The following PDPK1 variants were observed in gnomAD, a reference collection of about 807,000 sequenced individuals.
PDPK1 encodes 3-phosphoinositide dependent protein kinase 1, also known as 3-phosphoinositide-dependent protein kinase 1.
In PDPK1, 7 loss-of-function variants were observed where a neutral mutation model predicts 39.8. That is an observed-to-expected ratio of 0.18 (90% CI 0.10 to 0.33). The LOEUF (loss-of-function observed/expected upper bound fraction) is 0.33, where lower values mean the gene tolerates loss of function less well. Ranked by LOEUF, PDPK1 falls within the 10% of genes least tolerant of loss-of-function variation. PDPK1 has a pLI of 1.00. For missense variants in PDPK1, 182 were observed against 384.7 expected, an observed-to-expected ratio of 0.47 and a Z score of 4.41; for synonymous variants, 118 against 159.1, an observed-to-expected ratio of 0.74 and a Z score of 1.95.
chr16:2,597,091 C>A lies in PDPK1; in HGVS notation c.1402-32C>A, dbSNP rs2067119025. 6.5e-7 allele frequency: 1 copy of A among 1,529,326 alleles called. No homozygotes were observed. The highest frequency in any genetic ancestry group is 8.8e-7 in the Non-Finnish European group (1 of 1,131,190). The allele number at this position is 1,529,326 out of a possible 1,614,324, so 94.7% of individuals were successfully genotyped here. A position where few individuals can be genotyped will look rare whatever the true frequency, so the allele number is the denominator to read the frequency against. On this transcript the variant is annotated intron_variant, in intron 12 of 13. Coordinates refer to ENST00000342085, the MANE Select transcript of PDPK1 (RefSeq NM_002613.5). This position sits in a 1 kb window ranked among gnomAD's most constrained non-coding sequence, Gnocchi z 6.3. ...CAGGAGATGCCGTCAGCACTGGCCT[C>A]TGAGGCCTGTTGTTTTGTGTTTTGG...
chr16:2,544,014 C>G (rs1313965191), intron 1 of PDPK1, among the ~76,000 whole-genome samples: 1 of 151,644 alleles, frequency 6.6e-6, no homozygotes, highest in East Asian at 1.9e-4. Flanking sequence ...GGATTACAGG[C>G]GTGAGCCACC....
chr16:2,603,032 A>C lies in PDPK1; in HGVS notation c.*5265A>C. ...ACAACTTTTTTTCTGGCTTTATTAT[A>C]TAAATTTTCTATTGGGTCAGTGATT... On this transcript the variant is annotated 3_prime_UTR_variant, in exon 14 of 14. Coordinates refer to ENST00000342085, the MANE Select transcript of PDPK1 (RefSeq NM_002613.5). 1 of 228,722 alleles carries C rather than the reference A, an allele frequency of 4.4e-6. No individual in the cohort carries two copies. Among genetic ancestry groups the C allele is most frequent in the Non-Finnish European group, 8.7e-6 (1 of 115,194 alleles). The allele number at this position is 228,722 out of a possible 1,614,324, so 14.2% of individuals were successfully genotyped here.
intron 1 of PDPK1, among the ~76,000 whole-genome samples, chr16:2,543,877 G>A (rs1011422642): frequency 6.9e-6 from 1 of 145,358 alleles, no homozygotes; most frequent in African/African-American, 2.5e-5. Context: ...ACGTGCCACC[G>A]CACCCGGCTA....
At chr16:2,546,360 G>A (rs2066346443) in intron 1 of PDPK1, among the ~76,000 whole-genome samples, 1 of 151,416 alleles carries the variant, frequency 6.6e-6, no homozygotes, top group South Asian at 2.1e-4. Context: ...TTGAGACAGA[G>A]TCTCGCTCTG....
intron 10 of PDPK1, among the ~76,000 whole-genome samples, chr16:2,585,768 C>G (rs1256059248): frequency 2.0e-5 from 3 of 152,212 alleles, no homozygotes; most frequent in African/African-American, 7.2e-5. Flanking sequence ...TGAGGCGGGG[C>G]TGTGGTGCAG....
chr16:2,538,391 G>A (rs1271882896), intron 1 of PDPK1: 2 of 378,980 alleles, frequency 5.3e-6, no homozygotes, highest in Admixed American at 6.6e-5. Flanking sequence ...GGCGGGGGAG[G>A]CCGGGAGGTG....
chr16:2,540,200 G>T (rs1207293199), intron 1 of PDPK1, among the ~76,000 whole-genome samples: 1 of 152,214 alleles, frequency 6.6e-6, no homozygotes, highest in African/African-American at 2.4e-5. Context: ...TGTGTGAGAA[G>T]CCCCCTTCCC....
In PDPK1 at chr16:2,599,892, G is replaced by C. The variant is rs1372775773; in HGVS notation, c.*2125G>C. 4.3e-6 allele frequency: 1 copy of C among 233,398 alleles called. No homozygotes were observed. Among genetic ancestry groups the C allele is most frequent in the Admixed American group, 5.6e-5 (1 of 17,806 alleles). The allele number at this position is 233,398 out of a possible 1,614,324, so 14.5% of individuals were successfully genotyped here. On this transcript the variant is annotated 3_prime_UTR_variant, in exon 14 of 14. Coordinates refer to ENST00000342085, the MANE Select transcript of PDPK1 (RefSeq NM_002613.5). Reference sequence around the variant, plus strand: ...CTTCCGTGCGTTCTTCCTCTGGATAGAACCACCACCTCCTGGGCGTCACTG... The same window carrying C: ...CTTCCGTGCGTTCTTCCTCTGGATACAACCACCACCTCCTGGGCGTCACTG...
intron 1 of PDPK1, chr16:2,538,770 A>G: frequency 7.8e-7 from 1 of 1,282,150 alleles, no homozygotes; most frequent in Admixed American, 2.3e-5. Flanking sequence ...TGAGCTTGAC[A>G]GGTAGGAGGG....
chr16:2,558,622 G>A (rs1175628097), intron 2 of PDPK1, among the ~76,000 whole-genome samples: 1 of 149,190 alleles, frequency 6.7e-6, no homozygotes, highest in Non-Finnish European at 1.5e-5. Flanking sequence ...GACCCATGAA[G>A]CCGTGTGTGG....
intron 11 of PDPK1, among the ~76,000 whole-genome samples, chr16:2,588,336 A>G (rs888571140): frequency 9.9e-5 from 15 of 152,272 alleles, no homozygotes; most frequent in Admixed American, 6.5e-4. Flanking sequence ...CGCAGCTCCA[A>G]GCAGCAAGGA....
Position 2,597,120 on chromosome 16 carries a change from C to T in PDPK1, c.1402-3C>T, listed in dbSNP as rs1427311003. The T allele has an allele frequency of 1.3e-6, 2 of 1,553,526 alleles. No individual in the cohort carries two copies. The highest frequency in any genetic ancestry group is 4.6e-5 in the East Asian group (2 of 43,424). The stretch of plus-strand genomic sequence containing the variant: ...GGCCTGTTGTTTTGTGTTTTGGCGT[C>T]AGGGTTTATTTGCAAGACGACGACA... On this transcript the variant is annotated splice_polypyrimidine_tract_variant and splice_region_variant and intron_variant, in intron 12 of 13. Coordinates refer to ENST00000342085, the MANE Select transcript of PDPK1 (RefSeq NM_002613.5). This position sits in a 1 kb window ranked among gnomAD's most constrained non-coding sequence, Gnocchi z 6.3.
chr16:2,588,200 G>A (rs993084280), intron 11 of PDPK1, among the ~76,000 whole-genome samples: 8 of 152,202 alleles, frequency 5.3e-5, no homozygotes, highest in African/African-American at 1.9e-4. Context: ...CAGAGATGCT[G>A]GCAGGCAGCA....
chr16:2,550,136 C>G (rs1418002223), intron 1 of PDPK1, among the ~76,000 whole-genome samples: 3 of 148,352 alleles, frequency 2.0e-5, no homozygotes, highest in Non-Finnish European at 4.4e-5. Context: ...GTACCCACCC[C>G]CAGAGTTGTT....
intron 11 of PDPK1, among the ~76,000 whole-genome samples, chr16:2,588,430 A>G (rs2066921510): frequency 6.6e-6 from 1 of 152,106 alleles, no homozygotes; most frequent in Non-Finnish European, 1.5e-5. Context: ...CACTCCAAGT[A>G]CTTGGCCAGG....
chr16:2,560,494 C>G (rs1396164612), intron 2 of PDPK1, among the ~76,000 whole-genome samples: 2 of 147,226 alleles, frequency 1.4e-5, no homozygotes, highest in Non-Finnish European at 3.0e-5. Flanking sequence ...TTTCCAGGAT[C>G]TCTTCTGACG....
At position 2,597,579 on chromosome 16, in the gene PDPK1, C is replaced by A; in HGVS notation, c.1555-72C>A. ...AGGACTCGGAATGGCTGGTCGCAGG[C>A]AGCTCACCAGGTTGGGGTGGGGGTT... is the stretch of plus-strand genomic sequence containing the variant. On this transcript the variant is annotated intron_variant, in intron 13 of 13. Coordinates refer to ENST00000342085, the MANE Select transcript of PDPK1 (RefSeq NM_002613.5). This position sits in a 1 kb window ranked among gnomAD's most constrained non-coding sequence, Gnocchi z 6.3. The A allele has an allele frequency of 9.2e-7, 1 of 1,083,806 alleles. No individual in the cohort carries two copies. Among genetic ancestry groups the A allele is most frequent in the Non-Finnish European group, 1.4e-6 (1 of 698,098 alleles). The allele number at this position is 1,083,806 out of a possible 1,614,324, so 67.1% of individuals were successfully genotyped here.
intron 12 of PDPK1, among the ~76,000 whole-genome samples, chr16:2,596,441 G>A (rs555407036): frequency 5.3e-5 from 8 of 152,246 alleles, no homozygotes; most frequent in South Asian, 2.1e-4. Context: ...TGATCCACCC[G>A]TCTCAGCCTT....
chr16:2,585,280 C>G (rs1368999111), intron 10 of PDPK1, among the ~76,000 whole-genome samples: 1 of 152,194 alleles, frequency 6.6e-6, no homozygotes, highest in Non-Finnish European at 1.5e-5. Context: ...GTTAGATGGC[C>G]CATCCTTAGC....
Sources: gnomAD v4.1 joint callset for allele counts (sites outside exome capture counted in the v4.1 genomes callset) on GRCh38, gnomAD v4.1.1 for gene constraint, Gnocchi (gnomAD v3.1) non-coding constraint, MANE v1.5 for transcripts, NCBI Gene and HGNC (gene_info 2026-07-23, HGNC 2026-07-21) for gene names.